THADA: variants seen among roughly 807,000 people sequenced by gnomAD.
THADA encodes tRNA (32-2'-O)-methyltransferase regulator THADA.
A neutral mutation model predicts 219.8 loss-of-function variants in THADA; 213 were observed. That is an observed-to-expected ratio of 0.97 (90% CI 0.87 to 1.09). THADA has a LOEUF of 1.09. THADA is among the 50% of genes least tolerant of loss of function. The pLI, the probability that THADA is intolerant of heterozygous loss-of-function variation, is 0.00. For missense variants in THADA, 2,956 were observed against 2,311.3 expected (o/e 1.28, Z -5.72); for synonymous variants, 1,018 against 828.9 (o/e 1.23, Z -3.92).
chr2:43,357,976 G>T (rs1300110382), intron 29 of THADA, among the ~76,000 whole-genome samples: 1 of 152,086 alleles, frequency 6.6e-6, no homozygotes, highest in Non-Finnish European at 1.5e-5. Flanking sequence ...CTTTCACTCA[G>T]CTTCCTCCAA....
At chr2:43,592,277 C>T in intron 2 of THADA, 40 bp downstream of exon 2, 1 of 1,469,638 alleles carries the variant, frequency 6.8e-7, no homozygotes, top group Non-Finnish European at 9.2e-7. Context: ...TGCTTGCAAA[C>T]TAGAAAAAAA....
At chr2:43,462,245 G>A (rs906732169) in intron 26 of THADA, among the ~76,000 whole-genome samples, 3 of 152,252 alleles carry the variant, frequency 2.0e-5, no homozygotes, top group East Asian at 3.9e-4. Context: ...CATGGGTAAC[G>A]TTCAGGCATC....
intron 26 of THADA, among the ~76,000 whole-genome samples, chr2:43,463,607 G>A (rs930216925): frequency 1.1e-4 from 16 of 152,236 alleles, no homozygotes; most frequent in South Asian, 8.3e-4. Context: ...TCAAGTCAGT[G>A]AACTTAAGCT....
At chr2:43,345,258 T>C (rs1364754588) in intron 29 of THADA, among the ~76,000 whole-genome samples, 1 of 152,174 alleles carries the variant, frequency 6.6e-6, no homozygotes, top group Non-Finnish European at 1.5e-5. Context: ...GAGAGTTAGA[T>C]ACGGAAGGGG....
chr2:43,298,158 C>T (rs1437766061), intron 31 of THADA, among the ~76,000 whole-genome samples: 1 of 82,860 alleles, frequency 1.2e-5, no homozygotes, highest in South Asian at 5.1e-4. Flanking sequence ...AATAGAAAGG[C>T]GGGAAAGGTG....
At chr2:43,446,367 G>C (rs1681556501) in intron 26 of THADA, among the ~76,000 whole-genome samples, 1 of 152,206 alleles carries the variant, frequency 6.6e-6, no homozygotes, top group Admixed American at 6.5e-5. Context: ...TCAGGCAGCA[G>C]AAGTGACACT....
At chr2:43,559,992 C>T (rs1410810855) in intron 16 of THADA, among the ~76,000 whole-genome samples, 1 of 152,190 alleles carries the variant, frequency 6.6e-6, no homozygotes, top group East Asian at 1.9e-4. Context: ...TCCTACACCT[C>T]CCTTTTTATC....
Position 43,320,386 on chromosome 2 carries a change from G to A in THADA, c.4438+60C>T, listed in dbSNP as rs1311879437. The A allele has an allele frequency of 3.8e-6, 5 of 1,314,734 alleles. No individual in the cohort carries two copies. In the African/African-American group the frequency reaches 4.4e-5, roughly 12 times the overall value. The allele number at this position is 1,314,734 out of a possible 1,614,324, so 81.4% of individuals were successfully genotyped here. ...AGTGTGTGGCAGAGCCACTCAAAAC[G>A]CCATCCACATTTCAAAGATGTGTAA... On this transcript the variant is annotated intron_variant, in intron 31 of 37. Transcript: ENST00000405975.
At chr2:43,531,574 C>A (rs1463874849) in intron 21 of THADA, among the ~76,000 whole-genome samples, 2 of 152,178 alleles carry the variant, frequency 1.3e-5, no homozygotes, top group South Asian at 2.1e-4. Flanking sequence ...GACAGCCTCC[C>A]AGTGGATAAT....
At chr2:43,277,054 G>A (rs965228478) in intron 36 of THADA, among the ~76,000 whole-genome samples, 1 of 151,984 alleles carries the variant, frequency 6.6e-6, no homozygotes, top group Admixed American at 6.6e-5. Flanking sequence ...GACTGTTGCT[G>A]CCAGCCCCCA....
intron 36 of THADA, among the ~76,000 whole-genome samples, chr2:43,278,655 TGA>T (rs564953543): frequency 6.6e-6 from 1 of 152,272 alleles, no homozygotes; most frequent in African/African-American, 2.4e-5. Flanking sequence ...GCGGTATCAC[TGA>T]GAGATTATTC....
chr2:43,260,835 G>A (rs2104202668), intron 36 of THADA, among the ~76,000 whole-genome samples: 1 of 152,256 alleles, frequency 6.6e-6, no homozygotes, highest in Non-Finnish European at 1.5e-5. Flanking sequence ...GTTTGAAATG[G>A]ATGTTTATTT....
At chr2:43,267,679 G>C (rs1002893739) in intron 36 of THADA, among the ~76,000 whole-genome samples, 1 of 152,134 alleles carries the variant, frequency 6.6e-6, no homozygotes, top group African/African-American at 2.4e-5. Context: ...AGTGGGAGCT[G>C]GCACTGCCAT....
At chr2:43,233,155 G>A (rs1376203811) in intron 36 of THADA, 1 of 409,172 alleles carries the variant, frequency 2.4e-6, no homozygotes, top group East Asian at 3.9e-5. Context: ...GGATTAGAGA[G>A]TTATCTCCCC....
In THADA at chr2:43,574,938, G is replaced by T. The variant is rs750531653; in HGVS notation, c.1127C>A (p.Pro376Gln). The change falls in exon 11 of 38, where the codon CCG becomes CAG. Residue 376 changes from proline to glutamine, a missense_variant. Physicochemically the swap from Pro to Gln is moderately conservative, Grantham distance 76. Transcript: ENST00000405975. ...SAIQVLESSS[P>Q]SLTDSLNGNS... ...CCCATTCAGGCTGTCCGTTAGGCTC[G>T]GGGAACTTGATTCAAGGACTTGTAT... is the stretch of plus-strand genomic sequence containing the variant. 6.2e-7 allele frequency: 1 copy of T among 1,613,934 alleles called. No homozygotes were observed.
intron 22 of THADA, 114 bp downstream of exon 22, chr2:43,527,765 G>C: frequency 1.5e-6 from 1 of 664,740 alleles, no homozygotes; most frequent in East Asian, 2.7e-5. Context: ...GAGTTTTGTA[G>C]TCAACCAGGT....
intron 30 of THADA, among the ~76,000 whole-genome samples, chr2:43,339,289 T>A (rs926964359): frequency 2.6e-5 from 4 of 152,218 alleles, no homozygotes; most frequent in Non-Finnish European, 5.9e-5. Flanking sequence ...ATTCATTCAT[T>A]CATTTTCTTG....
intron 21 of THADA, among the ~76,000 whole-genome samples, chr2:43,536,832 C>T (rs908352648): frequency 1.3e-5 from 2 of 152,142 alleles, no homozygotes; most frequent in Admixed American, 6.6e-5. Flanking sequence ...GGAGCTAACA[C>T]TAGAACCTAC....
At chr2:43,388,454 T>C (rs1672961659) in intron 29 of THADA, among the ~76,000 whole-genome samples, 3 of 152,200 alleles carry the variant, frequency 2.0e-5, no homozygotes, top group South Asian at 4.1e-4. Context: ...GATTAATCTA[T>C]CTAGGAGGAT....
Sources: gnomAD v4.1 joint callset for allele counts (sites outside exome capture counted in the v4.1 genomes callset) on GRCh38, gnomAD v4.1.1 for gene constraint, MANE v1.5 for transcripts, NCBI Gene and HGNC (gene_info 2026-07-23, HGNC 2026-07-21) for gene names.